Variants in DHX8 observed in about 807,000 individuals in gnomAD.
DHX8 encodes the protein DEAH-box helicase 8.
A neutral mutation model predicts 140.7 loss-of-function variants in DHX8; 67 were observed. That is an observed-to-expected ratio of 0.48 (90% CI 0.39 to 0.58). DHX8 has a LOEUF of 0.58. DHX8 is among the 20% of genes least tolerant of loss of function. The pLI, the probability that DHX8 is intolerant of heterozygous loss-of-function variation, is 0.00. For synonymous variants in DHX8, 533 were observed against 553.2 expected (o/e 0.96, Z 0.51); for missense variants, 887 against 1,550.7 (o/e 0.57, Z 7.19).
At chr17:43,508,285 A>G in intron 15 of DHX8, 54 bp from the exon 16 acceptor site, 2 of 1,565,294 alleles carry the variant, frequency 1.3e-6, no homozygotes, top group South Asian at 1.2e-5. Flanking sequence ...TAGCCCTTGT[A>G]TAGGACACAC....
chr17:43,485,589 A>T (rs1163646658), intron 1 of DHX8, among the ~76,000 whole-genome samples: 1 of 151,978 alleles, frequency 6.6e-6, no homozygotes. Flanking sequence ...TTTATTCAGC[A>T]AATATTGAGC....
chr17:43,489,557 A>G (rs374868533), intron 2 of DHX8, 23 bp downstream of exon 2: 1 of 1,406,784 alleles, frequency 7.1e-7, no homozygotes, highest in African/African-American at 1.4e-5. Context: ...GGAGAAGATA[A>G]TCTGTAGATA....
chr17:43,489,294 C>T (rs1968357686), intron 1 of DHX8, among the ~76,000 whole-genome samples, 155 bp from the exon 2 acceptor site: 1 of 152,084 alleles, frequency 6.6e-6, no homozygotes, highest in Non-Finnish European at 1.5e-5. Flanking sequence ...CATGAGCCAC[C>T]ACACCTGGCC....
At chr17:43,513,634 A>G in intron 17 of DHX8, 132 bp downstream of exon 17, 1 of 733,070 alleles carries the variant, frequency 1.4e-6, no homozygotes, top group Non-Finnish European at 2.0e-6. Context: ...TAATGACATG[A>G]GGGAAGGATT....
In DHX8 at chr17:43,524,457, C is replaced by T. The variant is rs1470632088; in HGVS notation, c.*610C>T. 1.0e-6 allele frequency: 1 copy of T among 987,350 alleles called. No individual in the cohort carries two copies. The highest frequency in any genetic ancestry group is 4.7e-5 in the South Asian group (1 of 21,402). The allele number at this position is 987,350 out of a possible 1,614,324, so 61.2% of individuals were successfully genotyped here. On this transcript the variant is annotated 3_prime_UTR_variant, in exon 23 of 23. Coordinates refer to ENST00000262415, the MANE Select transcript of DHX8 (RefSeq NM_004941.3). ...AATCCCCTGAAACCAGAACGCAGGG[C>T]CTCTTTGCGCTCGGAAACGACGTAC...
At chr17:43,530,296 G>T, downstream of DHX8, 2 of 1,508,896 alleles carry the variant, frequency 1.3e-6, no homozygotes, top group South Asian at 2.6e-5. Flanking sequence ...GCTTCCTGGT[G>T]ACTGTTCTTT....
downstream of DHX8, chr17:43,530,530 G>A (rs906917480): frequency 2.2e-6 from 2 of 924,754 alleles, no homozygotes; most frequent in Non-Finnish European, 2.9e-6. Context: ...AAAGAGTTCG[G>A]TGTCCACGCC....
intron 10 of DHX8, among the ~76,000 whole-genome samples, chr17:43,499,292 T>G (rs551436239): frequency 5.7e-4 from 87 of 152,160 alleles, no homozygotes; most frequent in African/African-American, 1.8e-3. Flanking sequence ...ACTTGAGCAC[T>G]TGGGGCTGGC....
chr17:43,528,336 C>T, downstream of DHX8: 1 of 530,306 alleles, frequency 1.9e-6, no homozygotes, highest in Non-Finnish European at 3.3e-6. Context: ...GCCATTTCTC[C>T]ACTTTTCCTT....
Position 43,525,007 on chromosome 17 carries a change from T to G in DHX8, c.*1160T>G, listed in dbSNP as rs866991010. The G allele has an allele frequency of 6.1e-6, 6 of 985,086 alleles. No homozygotes were observed. Among genetic ancestry groups the G allele is most frequent in the African/African-American group, 5.2e-5 (3 of 57,304 alleles). 61.0% of individuals were successfully genotyped at this position (985,086 alleles called of 1,614,324 possible). Reference sequence around the variant, plus strand: ...TGGGTTCCCACTGTGCTGCCCAGGCTGCTCTCCAATCCCTGGCGTCAAGCA... The same window carrying G: ...TGGGTTCCCACTGTGCTGCCCAGGCGGCTCTCCAATCCCTGGCGTCAAGCA... On this transcript the variant is annotated 3_prime_UTR_variant, in exon 23 of 23. Coordinates refer to ENST00000262415, the MANE Select transcript of DHX8 (RefSeq NM_004941.3).
chr17:43,512,856 T>C (rs1969920547), intron 16 of DHX8, among the ~76,000 whole-genome samples: 1 of 152,174 alleles, frequency 6.6e-6, no homozygotes, highest in Non-Finnish European at 1.5e-5. Flanking sequence ...CTGTGTCATC[T>C]CATGGTTCAT....
chr17:43,523,961 A>G lies in DHX8; in HGVS notation c.*114A>G. The stretch of plus-strand genomic sequence containing the variant: ...CCGTGACTGACTGTCTTAACTGAGC[A>G]TTTTCTCAACTCGACTCTCATTTCT... On this transcript the variant is annotated 3_prime_UTR_variant, in exon 23 of 23. Transcript: ENST00000262415. The G allele has an allele frequency of 6.7e-7, 1 of 1,486,238 alleles. No homozygotes were observed. The highest frequency in any genetic ancestry group is 8.9e-7 in the Non-Finnish European group (1 of 1,120,414). 92.1% of individuals were successfully genotyped at this position (1,486,238 alleles called of 1,614,324 possible).
At chr17:43,540,778 ACAT>A (rs1971479308) in intron 3 of DHX8, among the ~76,000 whole-genome samples, 1 of 152,106 alleles carries the variant, frequency 6.6e-6, no homozygotes, top group Non-Finnish European at 1.5e-5. Context: ...TTCAGAGGCA[ACAT>A]CCCCCAAGGT....
At chr17:43,489,582 T>C (rs1208336369) in intron 2 of DHX8, 48 bp downstream of exon 2, 1 of 1,368,572 alleles carries the variant, frequency 7.3e-7, no homozygotes, top group East Asian at 2.3e-5. Flanking sequence ...TGTTTTAATT[T>C]ATGTTTGTTT....
At chr17:43,542,394 A>T (rs966972722) in intron 3 of DHX8, among the ~76,000 whole-genome samples, 1 of 152,088 alleles carries the variant, frequency 6.6e-6, no homozygotes, top group African/African-American at 2.4e-5. Flanking sequence ...AATAGACAAC[A>T]AAGTCATTTT....
At chr17:43,495,393 C>G (rs561476194) in intron 8 of DHX8, among the ~76,000 whole-genome samples, 1 of 152,314 alleles carries the variant, frequency 6.6e-6, no homozygotes, top group South Asian at 2.1e-4. Context: ...ATCCTCTCAT[C>G]TCAGCTTCCC....
At chr17:43,536,446 G>A in exon 3 of DHX8, 2 of 1,614,254 alleles carry the variant, frequency 1.2e-6, no homozygotes, top group Non-Finnish European at 8.5e-7. Flanking sequence ...ATGGAAATCA[G>A]GAACAAACTG....
At chr17:43,540,447 T>A (rs1971465518) in intron 3 of DHX8, among the ~76,000 whole-genome samples, 1 of 152,160 alleles carries the variant, frequency 6.6e-6, no homozygotes, top group African/African-American at 2.4e-5. Context: ...AGTGAGACCC[T>A]GTCTCAAATA....
rs577150481 is a variant in DHX8, at chr17:43,516,587, T to C, written c.2644-580T>C. ...ATCTGAGCCTCCTGAATACTGGGAC[T>C]ACAGGCGTGAGCCACCACACCAAGC... On this transcript the variant is annotated intron_variant, in intron 17 of 22. Transcript: ENST00000262415. 6.6e-5 allele frequency among the ~76,000 whole-genome samples: 10 copies of C among 152,302 alleles called. 1 individual carries two copies. The East Asian group carries it at 1.9e-3, about 29-fold the overall frequency.
Sources: allele counts gnomAD v4.1 joint callset (sites outside exome capture counted in the v4.1 genomes callset), GRCh38; gene constraint gnomAD v4.1.1; transcripts MANE v1.5; gene names NCBI Gene and HGNC (gene_info 2026-07-23, HGNC 2026-07-21).